Variants in ATXN7 observed in about 807,000 individuals in gnomAD.
ATXN7 encodes ataxin-7.
Under a neutral mutation model 70.5 loss-of-function variants are expected in ATXN7, and 12 were observed. The observed-to-expected ratio is 0.17, with a 90% CI of 0.11 to 0.28. The LOEUF (loss-of-function observed/expected upper bound fraction) is 0.28. Ranked by LOEUF, ATXN7 falls within the 10% of genes least tolerant of loss-of-function variation. ATXN7 has a pLI of 1.00. For synonymous variants in ATXN7, 498 were observed against 448.7 expected (o/e 1.11, Z -1.39); for missense variants, 1,256 against 1,131.7 (o/e 1.11, Z -1.58).
chr3:63,948,702 C>T lies in ATXN7; in HGVS notation c.395-3677C>T, dbSNP rs1047160950. Among the ~76,000 whole-genome samples, 14 of 152,244 alleles carry T rather than the reference C, an allele frequency of 9.2e-5. 1 individual carries two copies. Among genetic ancestry groups the T allele is most frequent in the African/African-American group, 3.4e-4 (14 of 41,552 alleles). On this transcript the variant is annotated intron_variant, in intron 4 of 12. Transcript: ENST00000674280. Reference sequence around the variant, plus strand: ...TCATTCTGCATGTGACTGAAGTTTCCATATACATGTGCTCAAGTGTCCTTG... The same window carrying T: ...TCATTCTGCATGTGACTGAAGTTTCTATATACATGTGCTCAAGTGTCCTTG...
At chr3:63,925,995 G>C (rs935623540) in intron 4 of ATXN7, among the ~76,000 whole-genome samples, 1 of 152,192 alleles carries the variant, frequency 6.6e-6, no homozygotes, top group African/African-American at 2.4e-5. Flanking sequence ...TTAAGGGCCA[G>C]TTGGGCATGT....
rs1257843050 is a variant in ATXN7 at position 63,863,929 on chromosome 3, G to A, written c.-340G>A. 110 of 683,360 alleles carry A rather than the reference G, an allele frequency of 1.6e-4. 1 individual carries two copies. Among genetic ancestry groups the A allele is most frequent in the Non-Finnish European group, 1.6e-5 (9 of 556,538 alleles). 42.3% of individuals were successfully genotyped at this position (683,360 alleles called of 1,614,324 possible). A position where few individuals can be genotyped will look rare whatever the true frequency, so the allele number is the denominator to read the frequency against. ...GGCGGCGCCCGCGGCCGCCTGCTCC[G>A]ACGCCTGAGCCGCGCCGCGCCGCGC... On this transcript the variant is annotated 5_prime_UTR_variant, in exon 1 of 13. Coordinates refer to ENST00000674280, the MANE Select transcript of ATXN7 (RefSeq NM_001377405.1).
At chr3:63,911,558 A>T (rs1200648120) in intron 2 of ATXN7, 2 of 152,156 alleles carry the variant, frequency 1.3e-5, no homozygotes, top group Non-Finnish European at 2.9e-5. Flanking sequence ...TGAATGAATC[A>T]CTTCCAGAAA....
At chr3:63,974,143 C>CT (rs140786826) in intron 5 of ATXN7, among the ~76,000 whole-genome samples, 15,468 of 152,160 alleles carry the variant, frequency 0.1, 966 homozygotes, top group Admixed American at 0.15. Flanking sequence ...ATCTTGGATG[C>CT]TTTAAGACCC....
Position 63,929,271 on chromosome 3 carries a change from T to C in ATXN7, c.394+16046T>C, listed in dbSNP as rs373075577. ...GGAAGCTTTCTCTCTCTCTCTCTCT[T>C]TTTTTTTTTTTTTTTTGTTTGAGAT... On this transcript the variant is annotated intron_variant, in intron 4 of 12. Transcript: ENST00000674280. Among the ~76,000 whole-genome samples the C allele has an allele frequency of 2.8e-3, 302 of 106,030 alleles. 2 individuals carry two copies. The Middle Eastern group carries it at 0.03, about 11-fold the overall frequency. The allele number at this position is 106,030 out of a possible 152,430, so 69.6% of individuals were successfully genotyped here. A position where few individuals can be genotyped will look rare whatever the true frequency, so the allele number is the denominator to read the frequency against.
chr3:63,988,452 A>T, intron 9 of ATXN7, 128 bp downstream of exon 9: 1 of 1,278,486 alleles, frequency 7.8e-7, no homozygotes, highest in Non-Finnish European at 1.1e-6. Context: ...TTTTTTAAGG[A>T]GTTTTACTAT....
At chr3:63,863,676 C>A (rs1050343371), upstream of ATXN7, 1 of 1,235,288 alleles carries the variant, frequency 8.1e-7, no homozygotes, top group Non-Finnish European at 1.0e-6. Context: ...CCGGGGAGGC[C>A]GAGGGGTTCC....
chr3:63,985,668 C>CAGAG (rs2075565739), intron 8 of ATXN7, among the ~76,000 whole-genome samples: 1 of 152,182 alleles, frequency 6.6e-6, no homozygotes, highest in Non-Finnish European at 1.5e-5. Flanking sequence ...TACTCATTCT[C>CAGAG]TGTTGTCTGT....
intron 1 of ATXN7, among the ~76,000 whole-genome samples, chr3:63,890,200 T>C (rs1043516533): frequency 3.3e-5 from 5 of 152,226 alleles, no homozygotes; most frequent in Admixed American, 6.5e-5. Context: ...TCAGATTTAC[T>C]CAAGGGGTTT....
chr3:63,940,187 A>T (rs942832005), intron 4 of ATXN7, among the ~76,000 whole-genome samples: 12 of 151,942 alleles, frequency 7.9e-5, no homozygotes, highest in African/African-American at 2.7e-4. Flanking sequence ...GAAGGCCCTA[A>T]TCTCACCTCT....
intron 5 of ATXN7, chr3:63,968,028 C>G: frequency 1.4e-6 from 2 of 1,393,232 alleles, no homozygotes; most frequent in South Asian, 2.5e-5. Context: ...GGGCCCAGCT[C>G]TGGATGAGCC....
rs1005920341 is a variant in ATXN7, at chr3:64,001,651, A to G, written c.*2184A>G. Reference sequence around the variant, plus strand: ...ATTTGATTTCTTAGACTGAGGTTTTAAATGAATTTCATTATTTCTCCCGGT... The same window carrying G: ...ATTTGATTTCTTAGACTGAGGTTTTGAATGAATTTCATTATTTCTCCCGGT... On this transcript the variant is annotated 3_prime_UTR_variant, in exon 13 of 13. Coordinates refer to ENST00000674280, the MANE Select transcript of ATXN7 (RefSeq NM_001377405.1). 2 of 152,244 alleles carry G rather than the reference A, an allele frequency of 1.3e-5. No individual in the cohort carries two copies. Among genetic ancestry groups the G allele is most frequent in the Non-Finnish European group, 2.9e-5 (2 of 68,042 alleles). The allele number at this position is 152,244 out of a possible 1,614,324, so 9.4% of individuals were successfully genotyped here.
chr3:63,932,707 C>T (rs2074571916), intron 4 of ATXN7, among the ~76,000 whole-genome samples: 1 of 152,214 alleles, frequency 6.6e-6, no homozygotes, highest in Non-Finnish European at 1.5e-5. Flanking sequence ...CAATTTCCCT[C>T]TGCTCCTTTC....
chr3:63,986,468 A>G (rs966183464), intron 8 of ATXN7, among the ~76,000 whole-genome samples: 3 of 152,094 alleles, frequency 2.0e-5, no homozygotes, highest in African/African-American at 7.2e-5. Flanking sequence ...AGCTGAGGAG[A>G]GGTTTATACA....
At chr3:63,998,546 C>T (rs1432897276) in intron 12 of ATXN7, 1 of 985,142 alleles carries the variant, frequency 1.0e-6, no homozygotes, top group African/African-American at 1.7e-5. Flanking sequence ...GGGCTTTTTC[C>T]TTAAAATCAG....
chr3:63,999,008 C>G (rs757645735), intron 12 of ATXN7: 14 of 159,848 alleles, frequency 8.8e-5, no homozygotes, highest in Non-Finnish European at 1.8e-4. Context: ...CCAGAGTTTC[C>G]TCCTCCCCAG....
intron 5 of ATXN7, among the ~76,000 whole-genome samples, chr3:63,966,338 A>ACCTG (rs2075221750): frequency 6.6e-6 from 1 of 151,868 alleles, no homozygotes; most frequent in African/African-American, 2.4e-5. Flanking sequence ...CAATACTAAG[A>ACCTG]CCTGTGGCAA....
chr3:63,878,620 G>T (rs912506938), intron 1 of ATXN7: 4 of 152,238 alleles, frequency 2.6e-5, no homozygotes, highest in Non-Finnish European at 5.9e-5. Flanking sequence ...GACTTTAAAT[G>T]AAAGAATTAT....
At chr3:63,959,157 A>G (rs1158734021) in intron 5 of ATXN7, among the ~76,000 whole-genome samples, 4 of 152,242 alleles carry the variant, frequency 2.6e-5, no homozygotes, top group Admixed American at 1.3e-4. Flanking sequence ...TCTAAATCAT[A>G]GTCGCTATCT....
Sources: gnomAD v4.1 joint callset for allele counts (sites outside exome capture counted in the v4.1 genomes callset) on GRCh38, gnomAD v4.1.1 for gene constraint, MANE v1.5 for transcripts, NCBI Gene and HGNC (gene_info 2026-07-23, HGNC 2026-07-21) for gene names.